Variants in OR6N1 observed in about 807,000 individuals in gnomAD.
OR6N1 encodes olfactory receptor 6N1.
For synonymous variants in OR6N1, 170 were observed against 150.7 expected (o/e 1.13, Z -0.94); for missense variants, 394 against 371.7 (o/e 1.06, Z -0.49).
the OR6N1 span, among the ~76,000 whole-genome samples, chr1:158,793,047 G>C: frequency 1.3e-5 from 2 of 151,852 alleles, no homozygotes; most frequent in East Asian, 3.9e-4. Context: ...TTTTCAGTTT[G>C]GTCTAATCTA....
At chr1:158,777,495 T>C in the OR6N1 span, 1 of 1,614,178 alleles carries the variant, frequency 6.2e-7, no homozygotes, top group Non-Finnish European at 8.5e-7. Context: ...GTCGGATGAC[T>C]GAGAAGATGA....
chr1:158,809,743 T>C, the OR6N1 span, among the ~76,000 whole-genome samples: 1 of 152,298 alleles, frequency 6.6e-6, no homozygotes, highest in South Asian at 2.1e-4. Flanking sequence ...CTGTTGAAGC[T>C]TCTTTCAGGA....
the OR6N1 span, among the ~76,000 whole-genome samples, chr1:158,812,389 C>G: frequency 6.6e-6 from 1 of 152,162 alleles, no homozygotes; most frequent in Non-Finnish European, 1.5e-5. Context: ...CAAATATAGG[C>G]CTTGCTTAGC....
At chr1:158,790,944 T>G in the OR6N1 span, among the ~76,000 whole-genome samples, 1 of 152,228 alleles carries the variant, frequency 6.6e-6, no homozygotes. Flanking sequence ...ATGTTCCTTC[T>G]ATGCCTAGTT....
the OR6N1 span, among the ~76,000 whole-genome samples, chr1:158,819,866 C>T: frequency 2.4e-4 from 36 of 152,080 alleles, 1 homozygote; most frequent in Admixed American, 1.8e-3. Context: ...AAAAACTTTG[C>T]GCCGAGTTCA....
the OR6N1 span, among the ~76,000 whole-genome samples, chr1:158,807,005 A>AAC: frequency 7.5e-5 from 8 of 106,156 alleles, no homozygotes; most frequent in Admixed American, 7.5e-4. Flanking sequence ...CGTCATCTCA[A>AAC]AAAAAAAAAA....
At chr1:158,808,530 C>T in the OR6N1 span, 3 of 153,334 alleles carry the variant, frequency 2.0e-5, no homozygotes, top group East Asian at 5.8e-4. Flanking sequence ...ACAAGCTTGT[C>T]TGTGCTCTCA....
chr1:158,835,974 T>C, the OR6N1 span, among the ~76,000 whole-genome samples: 21 of 152,034 alleles, frequency 1.4e-4, no homozygotes, highest in Non-Finnish European at 1.9e-4. Context: ...CTGTGTATTT[T>C]TCCTCATCTT....
chr1:158,809,718 A>G, the OR6N1 span, among the ~76,000 whole-genome samples: 1 of 152,090 alleles, frequency 6.6e-6, no homozygotes, highest in African/African-American at 2.4e-5. Context: ...GAGAAAAGTC[A>G]CCTCCCAAAA....
At chr1:158,792,808 A>G in the OR6N1 span, among the ~76,000 whole-genome samples, 1 of 152,152 alleles carries the variant, frequency 6.6e-6, no homozygotes, top group African/African-American at 2.4e-5. Context: ...AGCTTCTGGT[A>G]TTTGAACATC....
the OR6N1 span, among the ~76,000 whole-genome samples, chr1:158,799,750 A>G: frequency 3.9e-5 from 6 of 152,136 alleles, no homozygotes; most frequent in East Asian, 1.2e-3. Context: ...GTAGTATGAA[A>G]CCCAAACTTA....
the OR6N1 span, among the ~76,000 whole-genome samples, chr1:158,794,823 G>A: frequency 3.9e-5 from 6 of 152,162 alleles, no homozygotes; most frequent in South Asian, 2.1e-4. Context: ...GGCTGTCCTG[G>A]TTGCTTCCAA....
At chr1:158,781,109 T>A in the OR6N1 span, 28 of 152,358 alleles carry the variant, frequency 1.8e-4, no homozygotes, top group African/African-American at 6.5e-4. Context: ...AATCCCTTAT[T>A]ATCAGTCCCA....
the OR6N1 span, among the ~76,000 whole-genome samples, chr1:158,789,717 C>T: frequency 6.6e-6 from 1 of 152,026 alleles, no homozygotes; most frequent in Non-Finnish European, 1.5e-5. Flanking sequence ...ATTTGAGTTC[C>T]AGATATAGTC....
the OR6N1 span, among the ~76,000 whole-genome samples, chr1:158,838,419 C>G: frequency 6.6e-6 from 1 of 152,070 alleles, no homozygotes; most frequent in Non-Finnish European, 1.5e-5. Flanking sequence ...ACCTTCTGGT[C>G]TACAAAGTAT....
the OR6N1 span, among the ~76,000 whole-genome samples, chr1:158,814,002 ATGTAC>A: frequency 6.6e-6 from 1 of 152,104 alleles, no homozygotes; most frequent in South Asian, 2.1e-4. Context: ...GCCTAGCCAG[ATGTAC>A]TGTCTATTGA....
chr1:158,815,895 C>T, the OR6N1 span, among the ~76,000 whole-genome samples: 36 of 152,068 alleles, frequency 2.4e-4, no homozygotes, highest in Admixed American at 6.6e-4. Flanking sequence ...GTGGCTCATG[C>T]CTGTAATCAC....
At chr1:158,787,243 T>C in the OR6N1 span, among the ~76,000 whole-genome samples, 2 of 152,128 alleles carry the variant, frequency 1.3e-5, no homozygotes, top group Non-Finnish European at 2.9e-5. Context: ...CCTGTCATGA[T>C]TGAAATCTTC....
At chr1:158,793,198 A>G in the OR6N1 span, among the ~76,000 whole-genome samples, 1 of 150,190 alleles carries the variant, frequency 6.7e-6, no homozygotes, top group Non-Finnish European at 1.5e-5. Context: ...TTATTTTTTC[A>G]TGTTGATTTT....
Sources: allele counts gnomAD v4.1 joint callset (sites outside exome capture counted in the v4.1 genomes callset), GRCh38; gene constraint gnomAD v4.1.1; transcripts MANE v1.5; gene names NCBI Gene and HGNC (gene_info 2026-07-23, HGNC 2026-07-21).